TNNT1: variants seen among roughly 807,000 people sequenced by gnomAD.
TNNT1 encodes troponin T1, slow skeletal type, also known as troponin T, slow skeletal muscle.
In TNNT1, 53 loss-of-function variants were observed where a neutral mutation model predicts 50.6. The observed-to-expected ratio is 1.05, with a 90% CI of 0.84 to 1.32. The LOEUF (loss-of-function observed/expected upper bound fraction) is 1.32. Among genes scored for constraint, TNNT1 ranks in the 40% most tolerant of loss-of-function variants. The pLI is 0.00. For synonymous variants in TNNT1, 142 were observed against 138.0 expected (o/e 1.03, Z -0.20); for missense variants, 348 against 381.7 (o/e 0.91, Z 0.74).
At chr19:55,139,657 T>G (rs1391565816) in intron 9 of TNNT1, among the ~76,000 whole-genome samples, 1 of 152,110 alleles carries the variant, frequency 6.6e-6, no homozygotes, top group Non-Finnish European at 1.5e-5. Flanking sequence ...AGATCTTTAA[T>G]TTAATCACAT....
At position 55,132,875 on chromosome 19, in the gene TNNT1, CTCCCAGGCT is replaced by C; in HGVS notation, c.*31_*39del. 1 of 1,581,484 alleles carries C rather than the reference CTCCCAGGCT, an allele frequency of 6.3e-7. No individual in the cohort carries two copies. The highest frequency in any genetic ancestry group is 8.6e-7 in the Non-Finnish European group (1 of 1,163,612). On this transcript the variant is annotated 3_prime_UTR_variant, in exon 14 of 14. Coordinates refer to ENST00000588981, the MANE Select transcript of TNNT1 (RefSeq NM_003283.6). ...TTTCAAGCTACCGATGGGACAAACA[CTCCCAGGCT>C]TCCCAGGTGCCACTGTCCGGGGCGG...
chr19:55,146,881 A>T, intron 3 of TNNT1, 127 bp downstream of exon 3: 1 of 1,327,776 alleles, frequency 7.5e-7, no homozygotes, highest in Non-Finnish European at 1.0e-6. Flanking sequence ...CCAGACCCGG[A>T]GAGGGCGGGC....
At chr19:55,135,878 C>G (rs894298519) in intron 11 of TNNT1, among the ~76,000 whole-genome samples, 1 of 152,198 alleles carries the variant, frequency 6.6e-6, no homozygotes, top group Non-Finnish European at 1.5e-5. Context: ...CAGCGCCCCC[C>G]AGAGGGCTTC....
At chr19:55,148,288 C>A (rs2085617976) in intron 1 of TNNT1, among the ~76,000 whole-genome samples, 1 of 152,018 alleles carries the variant, frequency 6.6e-6, no homozygotes. Flanking sequence ...ACTCGCCCCA[C>A]CCCACTGGCT....
intron 9 of TNNT1, among the ~76,000 whole-genome samples, chr19:55,138,301 G>C (rs187511190): frequency 0.01 from 1,505 of 147,960 alleles, 16 homozygotes; most frequent in Non-Finnish European, 0.015. Flanking sequence ...TTTTTGAGAC[G>C]GACTCTCGCT....
intron 6 of TNNT1, among the ~76,000 whole-genome samples, chr19:55,142,269 C>G (rs538655952): frequency 5.3e-5 from 8 of 150,694 alleles, no homozygotes; most frequent in Non-Finnish European, 1.2e-4. Context: ...TACAGGCGCC[C>G]ACCACCAAGC....
At chr19:55,142,157 G>C (rs2085469684) in intron 6 of TNNT1, 7 of 453,714 alleles carry the variant, frequency 1.5e-5, no homozygotes, top group South Asian at 1.3e-4. Context: ...GTCTTGCTCT[G>C]TCACCCAGGC....
At chr19:55,146,947 C>CCCCT in intron 3 of TNNT1, 61 bp downstream of exon 3, 1 of 1,531,090 alleles carries the variant, frequency 6.5e-7, no homozygotes, top group African/African-American at 1.4e-5. Flanking sequence ...CTCCTCGCCT[C>CCCCT]CCCTCCCAAG....
intron 7 of TNNT1, 36 bp from the exon 8 acceptor site, chr19:55,141,338 C>A: frequency 6.5e-7 from 1 of 1,533,218 alleles, no homozygotes. Context: ...CTAGGAGACC[C>A]TGGAGGGGGC....
chr19:55,144,260 G>T (rs2085508907), intron 6 of TNNT1, among the ~76,000 whole-genome samples: 1 of 152,052 alleles, frequency 6.6e-6, no homozygotes, highest in African/African-American at 2.4e-5. Flanking sequence ...AGTAGAGACA[G>T]AGTTTCACCA....
intron 13 of TNNT1, among the ~76,000 whole-genome samples, chr19:55,133,281 C>T (rs1264764526): frequency 4.0e-5 from 6 of 150,758 alleles, no homozygotes; most frequent in Admixed American, 2.6e-4. Context: ...GTGGGTAACA[C>T]GCAGGAAGGG....
At chr19:55,133,478 G>T in intron 13 of TNNT1, 1 of 315,660 alleles carries the variant, frequency 3.2e-6, no homozygotes, top group Non-Finnish European at 6.0e-6. Flanking sequence ...AGGAGTTCGA[G>T]ACCAGCCTGA....
intron 9 of TNNT1, among the ~76,000 whole-genome samples, chr19:55,140,399 G>A (rs868104453): frequency 1.3e-5 from 2 of 152,052 alleles, no homozygotes; most frequent in Non-Finnish European, 2.9e-5. Flanking sequence ...GAGCCCAGGA[G>A]GTCCTAGTTA....
At chr19:55,136,245 C>G (rs749061007) in intron 11 of TNNT1, among the ~76,000 whole-genome samples, 3 of 152,118 alleles carry the variant, frequency 2.0e-5, no homozygotes, top group Non-Finnish European at 4.4e-5. Flanking sequence ...CCACAGGAAG[C>G]TGCTGCTGTA....
chr19:55,139,205 G>A (rs1439996635), intron 9 of TNNT1, among the ~76,000 whole-genome samples: 1 of 152,078 alleles, frequency 6.6e-6, no homozygotes, highest in Non-Finnish European at 1.5e-5. Context: ...TCACCATGTT[G>A]GCCAGGCTGG....
At chr19:55,144,557 T>A (rs1026401516) in intron 6 of TNNT1, among the ~76,000 whole-genome samples, 3 of 152,190 alleles carry the variant, frequency 2.0e-5, no homozygotes, top group Non-Finnish European at 4.4e-5. Flanking sequence ...TTTTTTAAAA[T>A]TTTTTGTAGA....
At chr19:55,144,071 CCT>C (rs2085505307) in intron 6 of TNNT1, among the ~76,000 whole-genome samples, 1 of 143,682 alleles carries the variant, frequency 7.0e-6, no homozygotes, top group African/African-American at 2.6e-5. Context: ...CACCCCACCC[CCT>C]TTTTTTTTTT....
intron 6 of TNNT1, among the ~76,000 whole-genome samples, chr19:55,143,211 G>T (rs1243271731): frequency 4.0e-5 from 6 of 151,850 alleles, no homozygotes. Context: ...TGTTGTCCAG[G>T]GTGGTCTTGA....
chr19:55,135,166 C>T (rs80340262), intron 11 of TNNT1, among the ~76,000 whole-genome samples: 10 of 151,772 alleles, frequency 6.6e-5, no homozygotes, highest in Admixed American at 4.6e-4. Context: ...TCACTGGGTG[C>T]GGCTTCCAAA....
Sources: gnomAD v4.1 joint callset for allele counts (sites outside exome capture counted in the v4.1 genomes callset) on GRCh38, gnomAD v4.1.1 for gene constraint, MANE v1.5 for transcripts, NCBI Gene and HGNC (gene_info 2026-07-23, HGNC 2026-07-21) for gene names.